Variants in CTNNBL1 observed in about 807,000 individuals in gnomAD.
The protein encoded by CTNNBL1 is beta-catenin-like protein 1.
A neutral mutation model predicts 72.7 loss-of-function variants in CTNNBL1; 31 were observed. The ratio of observed to expected loss-of-function variants is 0.43; its 90% CI spans 0.32 to 0.58. The LOEUF (loss-of-function observed/expected upper bound fraction) is 0.58, where lower values mean the gene tolerates loss of function less well. Ranked by LOEUF, CTNNBL1 falls within the 20% of genes least tolerant of loss-of-function variation. The pLI is 0.08. For missense variants in CTNNBL1, 534 were observed against 725.1 expected, an observed-to-expected ratio of 0.74 and a Z score of 3.03; for synonymous variants, 240 against 267.3, an observed-to-expected ratio of 0.90 and a Z score of 1.00.
intron 1 of CTNNBL1, among the ~76,000 whole-genome samples, chr20:37,708,769 G>T (rs1332876593): frequency 6.6e-6 from 1 of 152,110 alleles, no homozygotes; most frequent in Non-Finnish European, 1.5e-5. Context: ...CTGCTTGTAA[G>T]CAGATTATGT....
At chr20:37,764,445 A>G (rs1452486054) in intron 5 of CTNNBL1, among the ~76,000 whole-genome samples, 1 of 152,192 alleles carries the variant, frequency 6.6e-6, no homozygotes, top group African/African-American at 2.4e-5. Context: ...AAGGAGAAGG[A>G]AGCCTGGGTT....
chr20:37,871,214 GTGCTGC>G (rs536109643), intron 15 of CTNNBL1, among the ~76,000 whole-genome samples: 33 of 152,120 alleles, frequency 2.2e-4, no homozygotes, highest in African/African-American at 5.8e-4. Context: ...TTTCCATGCA[GTGCTGC>G]TGCTGCTGCT....
At chr20:37,830,873 G>A (rs188478364) in intron 11 of CTNNBL1, among the ~76,000 whole-genome samples, 6 of 152,274 alleles carry the variant, frequency 3.9e-5, no homozygotes, top group South Asian at 2.1e-4. Flanking sequence ...TGTACTGAAA[G>A]TGAAAGAATG....
At chr20:37,737,267 CAGAAA>C in intron 2 of CTNNBL1, 106 bp from the exon 3 acceptor site, 2 of 749,100 alleles carry the variant, frequency 2.7e-6, no homozygotes, top group Non-Finnish European at 4.6e-6. Flanking sequence ...ACATTGAACC[CAGAAA>C]GGTCAATGGC....
intron 11 of CTNNBL1, among the ~76,000 whole-genome samples, chr20:37,821,856 G>A (rs2072111136): frequency 1.3e-5 from 2 of 152,122 alleles, no homozygotes; most frequent in Non-Finnish European, 2.9e-5. Flanking sequence ...CTGGATGCCA[G>A]TAGCAACCCC....
chr20:37,694,037 A>C lies in CTNNBL1; in HGVS notation c.-86A>C, dbSNP rs958999105. The C allele has an allele frequency of 1.4e-6, 2 of 1,467,942 alleles. No homozygotes were observed. The highest frequency in any genetic ancestry group is 2.8e-5 in the African/African-American group (2 of 71,096). 90.9% of individuals were successfully genotyped at this position (1,467,942 alleles called of 1,614,324 possible). ...TCTGCGGCTCCGCTCGCCGCACTTT[A>C]CGGCAGTGTGGCTGGAGCCGCGGCT... On this transcript the variant is annotated 5_prime_UTR_variant, in exon 1 of 16. Transcript: ENST00000361383.
chr20:37,863,884 T>A (rs1202554772), intron 15 of CTNNBL1, among the ~76,000 whole-genome samples: 1 of 151,886 alleles, frequency 6.6e-6, no homozygotes, highest in Non-Finnish European at 1.5e-5. Context: ...ATTAAAAGAG[T>A]TCTCTCTAGA....
At chr20:37,773,070 A>T (rs1198166895) in intron 7 of CTNNBL1, among the ~76,000 whole-genome samples, 2 of 152,260 alleles carry the variant, frequency 1.3e-5, no homozygotes, top group Non-Finnish European at 2.9e-5. Flanking sequence ...TACTATTGAA[A>T]ATAACAGCAA....
chr20:37,868,293 CTTT>C (rs34129953), intron 15 of CTNNBL1, among the ~76,000 whole-genome samples: 1 of 148,644 alleles, frequency 6.7e-6, no homozygotes. Flanking sequence ...TTTTAGGGGC[CTTT>C]TTTTTTTTTA....
chr20:37,851,216 C>G (rs561526182), intron 13 of CTNNBL1, among the ~76,000 whole-genome samples: 72 of 152,306 alleles, frequency 4.7e-4, no homozygotes, highest in African/African-American at 1.6e-3. Context: ...GAATTGCAGT[C>G]TGTTCTACCG....
chr20:37,787,603 C>G (rs1418800196), intron 10 of CTNNBL1, among the ~76,000 whole-genome samples: 1 of 152,192 alleles, frequency 6.6e-6, no homozygotes, highest in Non-Finnish European at 1.5e-5. Flanking sequence ...CTTGGCCTCC[C>G]AAAGTGCTGG....
At chr20:37,732,372 C>T (rs186669492) in intron 1 of CTNNBL1, among the ~76,000 whole-genome samples, 9 of 152,316 alleles carry the variant, frequency 5.9e-5, no homozygotes, top group Admixed American at 2.0e-4. Flanking sequence ...TGTAATCTTA[C>T]GTAGATGTGA....
At chr20:37,712,040 G>A (rs1472004744) in intron 1 of CTNNBL1, among the ~76,000 whole-genome samples, 1 of 152,220 alleles carries the variant, frequency 6.6e-6, no homozygotes, top group Non-Finnish European at 1.5e-5. Flanking sequence ...GAGCATTCTG[G>A]CCAGCTTAGC....
chr20:37,814,833 C>T (rs762787727), intron 11 of CTNNBL1, among the ~76,000 whole-genome samples: 19 of 152,154 alleles, frequency 1.2e-4, no homozygotes, highest in Non-Finnish European at 2.8e-4. Context: ...GGTAAGCAGC[C>T]CTTTTACTTT....
chr20:37,823,669 G>A (rs1407656233), intron 11 of CTNNBL1, among the ~76,000 whole-genome samples: 1 of 152,222 alleles, frequency 6.6e-6, no homozygotes, highest in African/African-American at 2.4e-5. Context: ...CTGAATTTCT[G>A]TCTAAAGCAG....
chr20:37,758,130 T>A (rs1465376880), intron 5 of CTNNBL1, among the ~76,000 whole-genome samples: 1 of 152,226 alleles, frequency 6.6e-6, no homozygotes, highest in Non-Finnish European at 1.5e-5. Flanking sequence ...GACTTTCTAA[T>A]CCCAAGTGCC....
chr20:37,857,396 T>C (rs1166518038), intron 13 of CTNNBL1, among the ~76,000 whole-genome samples: 6 of 152,150 alleles, frequency 3.9e-5, no homozygotes, highest in Admixed American at 3.3e-4. Context: ...CATGCTGCAT[T>C]TCACACATCC....
At chr20:37,733,370 A>G (rs1235578961) in intron 2 of CTNNBL1, among the ~76,000 whole-genome samples, 1 of 152,122 alleles carries the variant, frequency 6.6e-6, no homozygotes, top group Non-Finnish European at 1.5e-5. Flanking sequence ...ATTATCTTTG[A>G]AAGAGGGGTC....
chr20:37,811,239 A>C (rs188983345), intron 11 of CTNNBL1, among the ~76,000 whole-genome samples: 88 of 152,236 alleles, frequency 5.8e-4, no homozygotes, highest in Non-Finnish European at 8.8e-4. Context: ...CCTCTGTCTA[A>C]GCTATAAACA....
Sources: gnomAD v4.1 joint callset for allele counts (sites outside exome capture counted in the v4.1 genomes callset) on GRCh38, gnomAD v4.1.1 for gene constraint, MANE v1.5 for transcripts, NCBI Gene and HGNC (gene_info 2026-07-23, HGNC 2026-07-21) for gene names.